The following JUNB variants were observed in gnomAD, a reference collection of about 807,000 sequenced individuals.
JUNB encodes transcription factor JunB.
Under a neutral mutation model 16.4 loss-of-function variants are expected in JUNB, and 6 were observed. The observed-to-expected ratio is 0.37, with a 90% confidence interval of 0.20 to 0.72. JUNB has a LOEUF of 0.72. JUNB is among the 30% of genes least tolerant of loss of function. The pLI is 0.53. For synonymous variants in JUNB, 226 were observed against 232.8 expected (o/e 0.97, Z 0.27); for missense variants, 389 against 492.9 (o/e 0.79, Z 2.00).
rs1968737331 is a variant in JUNB at position 12,792,846 on chromosome 19, CG to C, written c.*32del. ...CCCTGCCCCTTTACGGACACCCCCTCGCTTGGACGGCTGGGCACACGCCTCC... is the reference window on the plus strand; with the variant it reads ...CCCTGCCCCTTTACGGACACCCCCTCCTTGGACGGCTGGGCACACGCCTCC... On this transcript the variant is annotated 3_prime_UTR_variant, in exon 1 of 1. Transcript: ENST00000302754. 4 of 1,573,422 alleles carry C rather than the reference CG, an allele frequency of 2.5e-6. No individual in the cohort carries two copies. The highest frequency in any genetic ancestry group is 3.5e-6 in the Non-Finnish European group (4 of 1,153,232).
chr19:12,792,511 C>G lies in JUNB; in HGVS notation c.740C>G (p.Pro247Arg). 1 of 1,573,976 alleles carries G rather than the reference C, an allele frequency of 6.4e-7. No homozygotes were observed. Among genetic ancestry groups the G allele is most frequent in the Non-Finnish European group, 8.6e-7 (1 of 1,161,532 alleles). Residue 247 changes from proline to arginine, a missense_variant, in exon 1 of 1, where the codon CCG (proline) becomes CGG (arginine). By Grantham distance (103) the Pro-to-Arg change is moderately radical. Around this residue, in one of 2 missense-constraint regions of JUNB, gnomAD observed 349 missense variants for 389.8 expected, o/e 0.90. Transcript: ENST00000302754. ...TTCAAGGAGGAACCGCAGACCGTGC[C>G]GGAGGCGCGCAGCCGGGACGCCACG... Reference protein sequence around the residue: ...STFKEEPQTVPEARSRDATPP... With the variant: ...STFKEEPQTVREARSRDATPP...
chr19:12,792,268 C>A lies in JUNB; in HGVS notation c.497C>A (p.Pro166Gln). 3 of 1,492,374 alleles carry A rather than the reference C, an allele frequency of 2.0e-6. No homozygotes were observed. Among genetic ancestry groups the A allele is most frequent in the Non-Finnish European group, 2.7e-6 (3 of 1,118,974 alleles). 92.4% of individuals were successfully genotyped at this position (1,492,374 alleles called of 1,614,324 possible). A position where few individuals can be genotyped will look rare whatever the true frequency, so the allele number is the denominator to read the frequency against. The part of the protein sequence containing the change: ...NVSLGATGGP[P>Q]AGPGGVYAGP... Reference sequence around the variant, plus strand: ...TCCCTGGGCGCTACCGGGGGGCCCCCGGCTGGGCCCGGGGGCGTCTACGCC... The same window carrying A: ...TCCCTGGGCGCTACCGGGGGGCCCCAGGCTGGGCCCGGGGGCGTCTACGCC... Residue 166 changes from proline to glutamine, a missense_variant, in exon 1 of 1, where the codon CCG becomes CAG. Coordinates refer to ENST00000302754, the MANE Select transcript of JUNB (RefSeq NM_002229.3).
In JUNB at chr19:12,792,053, C is replaced by T. The variant is rs1968724087; in HGVS notation, c.282C>T (p.Asn94=). 6.2e-7 allele frequency: 1 copy of T among 1,610,514 alleles called. No individual in the cohort carries two copies. The highest frequency in any genetic ancestry group is 8.5e-7 in the Non-Finnish European group (1 of 1,178,984). ...SSELERLIVP[N]SNGVITTTPT... is the part of the protein sequence containing the mutation. The stretch of plus-strand genomic sequence containing the variant: ...AGCTGGAACGCCTGATTGTCCCCAA[C>T]AGCAACGGCGTGATCACGACGACGC... Residue 94 remains asparagine, a synonymous_variant, in exon 1 of 1, where the codon AAC becomes AAT. Transcript: ENST00000302754.
Position 12,791,587 on chromosome 19 carries a change from G to C in JUNB, c.-185G>C, listed in dbSNP as rs905902860. 7.7e-6 allele frequency: 4 copies of C among 517,230 alleles called. 1 individual carries two copies. The highest frequency in any genetic ancestry group is 6.1e-5 in the African/African-American group (3 of 49,144). The allele number at this position is 517,230 out of a possible 1,614,324, so 32.0% of individuals were successfully genotyped here. A position where few individuals can be genotyped will look rare whatever the true frequency, so the allele number is the denominator to read the frequency against. On this transcript the variant is annotated 5_prime_UTR_variant, in exon 1 of 1. Transcript: ENST00000302754. This position sits in a 1 kb window ranked among gnomAD's most constrained non-coding sequence, Gnocchi z 7.0. ...TATCGCGCCAGAGAGGGCGACGGGGGCTCGGGAAGCCTGACAGGGCTTTTG... is the reference window on the plus strand; with the variant it reads ...TATCGCGCCAGAGAGGGCGACGGGGCCTCGGGAAGCCTGACAGGGCTTTTG...
Position 12,792,973 on chromosome 19 carries a change from C to G in JUNB, c.*158C>G. On this transcript the variant is annotated 3_prime_UTR_variant, in exon 1 of 1. Coordinates refer to ENST00000302754, the MANE Select transcript of JUNB (RefSeq NM_002229.3). ...CCCTCCTACCCTGCGCCCAGTCCTT[C>G]CACCTCGACGTTTACAAGCCCCCCC... The G allele has an allele frequency of 1.4e-6, 1 of 726,620 alleles. No individual in the cohort carries two copies. Among genetic ancestry groups the G allele is most frequent in the South Asian group, 2.1e-5 (1 of 47,980 alleles). 45.0% of individuals were successfully genotyped at this position (726,620 alleles called of 1,614,324 possible). A position where few individuals can be genotyped will look rare whatever the true frequency, so the allele number is the denominator to read the frequency against.
At position 12,792,168 on chromosome 19, in the gene JUNB, G is replaced by A. The variant is rs901459201; in HGVS notation, c.397G>A (p.Glu133Lys). 2 of 1,592,130 alleles carry A rather than the reference G, an allele frequency of 1.3e-6. No homozygotes were observed. The change falls in exon 1 of 1, where the codon GAG becomes AAG. Residue 133 changes from glutamate to lysine, a missense_variant. By Grantham distance (56) the Glu-to-Lys change is moderately conservative (BLOSUM62 1). Coordinates refer to ENST00000302754, the MANE Select transcript of JUNB (RefSeq NM_002229.3). ...AGGGGGCGGCGTCACCGAGGAGCAG[G>A]AGGGCTTCGCCGACGGCTTTGTCAA... ...GAGGGVTEEQ[E>K]GFADGFVKAL...
At position 12,792,197 on chromosome 19, in the gene JUNB, C is replaced by A; in HGVS notation, c.426C>A (p.Ala142=). 2 of 1,574,844 alleles carry A rather than the reference C, an allele frequency of 1.3e-6. No individual in the cohort carries two copies. Among genetic ancestry groups the A allele is most frequent in the East Asian group, 4.6e-5 (2 of 43,372 alleles). The change falls in exon 1 of 1, where the codon GCC becomes GCA. Residue 142 remains alanine (A), a synonymous_variant. Transcript: ENST00000302754. ...QEGFADGFVK[A]LDDLHKMNHV... is the part of the protein sequence containing the mutation. ...GCTTCGCCGACGGCTTTGTCAAAGC[C>A]CTGGACGATCTGCACAAGATGAACC...
In JUNB at chr19:12,793,036, C is replaced by G; in HGVS notation, c.*221C>G. 1.8e-6 allele frequency: 1 copy of G among 569,342 alleles called. No individual in the cohort carries two copies. Among genetic ancestry groups the G allele is most frequent in the South Asian group, 2.4e-5 (1 of 41,204 alleles). 35.3% of individuals were successfully genotyped at this position (569,342 alleles called of 1,614,324 possible). On this transcript the variant is annotated 3_prime_UTR_variant, in exon 1 of 1. Transcript: ENST00000302754. This position sits in a 1 kb window ranked among gnomAD's most constrained non-coding sequence, Gnocchi z 6.1. ...TTGTATGTTTTTTTTCTGCTGGAAA[C>G]AGACTCGATTCATATTGAATATAAT...
In JUNB at chr19:12,792,617, C is replaced by T; in HGVS notation, c.846C>T (p.Ala282=). ...AGCGGCTGCGGAACCGGCTGGCGGC[C>T]ACCAAGTGCCGGAAGCGGAAGCTGG... ...ERKRLRNRLA[A]TKCRKRKLER... Residue 282 remains alanine (A), a synonymous_variant, in exon 1 of 1, where the codon GCC becomes GCT. Transcript: ENST00000302754. 4 of 1,557,584 alleles carry T rather than the reference C, an allele frequency of 2.6e-6. No individual in the cohort carries two copies. Among genetic ancestry groups the T allele is most frequent in the Non-Finnish European group, 3.5e-6 (4 of 1,151,996 alleles).
chr19:12,792,312 G>A lies in JUNB; in HGVS notation c.541G>A (p.Val181Ile), dbSNP rs1290476249. ...GVYAGPEPPP[V>I]YTNLSSYSPA... ...CTACGCCGGCCCGGAGCCACCTCCC[G>A]TTTACACCAACCTCAGCAGCTACTC... The change falls in exon 1 of 1, where the codon GTT becomes ATT. Residue 181 changes from valine to isoleucine, a missense_variant. By Grantham distance (29) the Val-to-Ile change is conservative. Transcript: ENST00000302754. 1 of 1,512,416 alleles carries A rather than the reference G, an allele frequency of 6.6e-7. No homozygotes were observed. Among genetic ancestry groups the A allele is most frequent in the Non-Finnish European group, 8.9e-7 (1 of 1,127,404 alleles). 93.7% of individuals were successfully genotyped at this position (1,512,416 alleles called of 1,614,324 possible). A position where few individuals can be genotyped will look rare whatever the true frequency, so the allele number is the denominator to read the frequency against.
rs905317193 is a variant in JUNB, at chr19:12,791,641, C to A, written c.-131C>A. ...ACAGCTGCCGGCTGGCTGCTACCCG[C>A]CCGCGCCAGCCCCCGAGAACGCGCG... On this transcript the variant is annotated 5_prime_UTR_variant, in exon 1 of 1. Coordinates refer to ENST00000302754, the MANE Select transcript of JUNB (RefSeq NM_002229.3). This position sits in a 1 kb window ranked among gnomAD's most constrained non-coding sequence, Gnocchi z 7.0. The A allele has an allele frequency of 4.8e-6, 3 of 623,766 alleles. No individual in the cohort carries two copies. Among genetic ancestry groups the A allele is most frequent in the Non-Finnish European group, 7.8e-6 (3 of 386,362 alleles). 38.6% of individuals were successfully genotyped at this position (623,766 alleles called of 1,614,324 possible). A position where few individuals can be genotyped will look rare whatever the true frequency, so the allele number is the denominator to read the frequency against.
Position 12,792,768 on chromosome 19 carries a change from A to T in JUNB, c.997A>T (p.Ser333Cys), listed in dbSNP as rs1968736215. 3.1e-6 allele frequency: 5 copies of T among 1,607,208 alleles called. No homozygotes were observed. The highest frequency in any genetic ancestry group is 4.3e-6 in the Non-Finnish European group (5 of 1,175,046). The change falls in exon 1 of 1, where the codon AGC becomes TGC. Residue 333 changes from serine to cysteine, a missense_variant. Ser to Cys is a moderately radical substitution (Grantham distance 112). Transcript: ENST00000302754. ...CAAACAGAAGGTCATGACCCACGTC[A>T]GCAACGGCTGTCAGCTGCTGCTTGG... ...QLKQKVMTHV[S>C]NGCQLLLGVK...
chr19:12,792,689 G>C lies in JUNB; in HGVS notation c.918G>C (p.Glu306Asp). Residue 306 changes from glutamate to aspartate, a missense_variant, in exon 1 of 1, where the codon GAG becomes GAC. Glu to Asp is a conservative substitution (Grantham distance 45). This residue lies in a region of JUNB where 40 missense variants were observed against 103.2 expected (regional missense o/e 0.39). Transcript: ENST00000302754. ...LEDKVKTLKA[E>D]NAGLSSTAGL... Reference sequence around the variant, plus strand: ...ACAAGGTGAAGACGCTCAAGGCCGAGAACGCGGGGCTGTCGAGTACCGCCG... The same window carrying C: ...ACAAGGTGAAGACGCTCAAGGCCGACAACGCGGGGCTGTCGAGTACCGCCG... The C allele has an allele frequency of 6.3e-7, 1 of 1,589,814 alleles. No homozygotes were observed. The highest frequency in any genetic ancestry group is 8.6e-7 in the Non-Finnish European group (1 of 1,169,072).
rs1404315961 is a variant in JUNB, at chr19:12,793,174, C to T, written c.*359C>T. ...TGGGAAGGGGACCCCCGCCCCCTGC[C>T]CTCCCCTCTCTGCACCGTACTGTGG... is the stretch of plus-strand genomic sequence containing the variant. On this transcript the variant is annotated 3_prime_UTR_variant, in exon 1 of 1. Transcript: ENST00000302754. This position sits in a 1 kb window ranked among gnomAD's most constrained non-coding sequence, Gnocchi z 6.1. 2 of 270,528 alleles carry T rather than the reference C, an allele frequency of 7.4e-6. No individual in the cohort carries two copies. Among genetic ancestry groups the T allele is most frequent in the African/African-American group, 2.2e-5 (1 of 45,612 alleles). 16.8% of individuals were successfully genotyped at this position (270,528 alleles called of 1,614,324 possible).
Position 12,792,125 on chromosome 19 carries a change from T to C in JUNB, c.354T>C (p.Gly118=), listed in dbSNP as rs1490432800. Residue 118 remains glycine, a synonymous_variant, in exon 1 of 1, where the codon GGT becomes GGC. Transcript: ENST00000302754. ...TTTACCCCCGCGGGGGTGGCAGCGGTGGAGGTGCAGGGGGCGCAGGGGGCG... is the reference window on the plus strand; with the variant it reads ...TTTACCCCCGCGGGGGTGGCAGCGGCGGAGGTGCAGGGGGCGCAGGGGGCG... ...QYFYPRGGGS[G]GGAGGAGGGV... 1 of 1,598,766 alleles carries C rather than the reference T, an allele frequency of 6.3e-7. No individual in the cohort carries two copies.
At position 12,792,078 on chromosome 19, in the gene JUNB, C is replaced by A; in HGVS notation, c.307C>A (p.Pro103Thr). The change falls in exon 1 of 1, where the codon CCT becomes ACT. Residue 103 changes from proline to threonine, a missense_variant. By Grantham distance (38) the Pro-to-Thr change is conservative (BLOSUM62 -1). Coordinates refer to ENST00000302754, the MANE Select transcript of JUNB (RefSeq NM_002229.3). The stretch of plus-strand genomic sequence containing the variant: ...CAGCAACGGCGTGATCACGACGACG[C>A]CTACACCCCCGGGACAGTACTTTTA... ...PNSNGVITTT[P>T]TPPGQYFYPR... 6.2e-7 allele frequency: 1 copy of A among 1,605,494 alleles called. No individual in the cohort carries two copies. The highest frequency in any genetic ancestry group is 1.1e-5 in the South Asian group (1 of 90,180).
At position 12,792,740 on chromosome 19, in the gene JUNB, G is replaced by T; in HGVS notation, c.969G>T (p.Gln323His). The T allele has an allele frequency of 6.2e-7, 1 of 1,611,374 alleles. No homozygotes were observed. Among genetic ancestry groups the T allele is most frequent in the East Asian group, 2.2e-5 (1 of 44,700 alleles). Residue 323 changes from glutamine to histidine, a missense_variant, in exon 1 of 1, where the codon CAG becomes CAT. Coordinates refer to ENST00000302754, the MANE Select transcript of JUNB (RefSeq NM_002229.3). ...TAGLLREQVA[Q>H]LKQKVMTHVS... ...GCCTCCTCCGGGAGCAGGTGGCCCA[G>T]CTCAAACAGAAGGTCATGACCCACG...
Position 12,791,808 on chromosome 19 carries a change from G to A in JUNB, c.37G>A (p.Asp13Asn). Residue 13 changes from aspartate to asparagine, a missense_variant, in exon 1 of 1, where the codon GAC becomes AAC. Physicochemically the swap from Asp to Asn is conservative, Grantham distance 23. This residue lies in a region of JUNB where 349 missense variants were observed against 389.8 expected (regional missense o/e 0.90). Transcript: ENST00000302754. This position sits in a 1 kb window ranked among gnomAD's most constrained non-coding sequence, Gnocchi z 7.0. ...TKMEQPFYHDDSYTATGYGRA... is the reference protein window; with the variant it reads ...TKMEQPFYHDNSYTATGYGRA... Reference sequence around the variant, plus strand: ...AATGGAACAGCCCTTCTACCACGACGACTCATACACAGCTACGGGATACGG... The same window carrying A: ...AATGGAACAGCCCTTCTACCACGACAACTCATACACAGCTACGGGATACGG... 1 of 1,612,898 alleles carries A rather than the reference G, an allele frequency of 6.2e-7. No individual in the cohort carries two copies. The highest frequency in any genetic ancestry group is 1.3e-5 in the African/African-American group (1 of 74,986).
At position 12,792,257 on chromosome 19, in the gene JUNB, C is replaced by T. The variant is rs1968728850; in HGVS notation, c.486C>T (p.Thr162=). The part of the protein sequence containing the change: ...VTPPNVSLGA[T]GGPPAGPGGV... ...CCCCCAACGTGTCCCTGGGCGCTAC[C>T]GGGGGGCCCCCGGCTGGGCCCGGGG... is the stretch of plus-strand genomic sequence containing the variant. The change falls in exon 1 of 1, where the codon ACC becomes ACT. Residue 162 remains threonine (T), a synonymous_variant. Coordinates refer to ENST00000302754, the MANE Select transcript of JUNB (RefSeq NM_002229.3). The T allele has an allele frequency of 5.3e-6, 8 of 1,499,192 alleles. No homozygotes were observed. Among genetic ancestry groups the T allele is most frequent in the Non-Finnish European group, 7.1e-6 (8 of 1,121,838 alleles). 92.9% of individuals were successfully genotyped at this position (1,499,192 alleles called of 1,614,324 possible). A position where few individuals can be genotyped will look rare whatever the true frequency, so the allele number is the denominator to read the frequency against.
Sources: gnomAD v4.1 joint callset for allele counts on GRCh38, gnomAD v4.1.1 for gene constraint, gnomAD v4.1.1 regional missense constraint, Gnocchi (gnomAD v3.1) non-coding constraint, MANE v1.5 for transcripts, NCBI Gene and HGNC (gene_info 2026-07-23, HGNC 2026-07-21) for gene names.